The following SGCZ variants were observed in gnomAD, a reference collection of about 807,000 sequenced individuals.
The protein encoded by SGCZ is sarcoglycan zeta.
SGCZ carries 40 observed loss-of-function variants against 41.3 expected under a neutral mutation model. The ratio of observed to expected loss-of-function variants is 0.97; its 90% confidence interval spans 0.75 to 1.26. The LOEUF (loss-of-function observed/expected upper bound fraction) is 1.26, where lower values mean the gene tolerates loss of function less well. SGCZ is among the 50% of genes most tolerant of loss of function. The pLI is 0.00. For synonymous variants in SGCZ, 206 were observed against 137.5 expected, an observed-to-expected ratio of 1.50 and a Z score of -3.49; for missense variants, 552 against 369.8, an observed-to-expected ratio of 1.49 and a Z score of -4.04.
In SGCZ at chr8:15,133,147, T is replaced by A. The variant is rs1009542523; in HGVS notation, c.39+104438A>T. Among the ~76,000 whole-genome samples the A allele has an allele frequency of 4.0e-5, 6 of 151,418 alleles. No individual in the cohort carries two copies. In the East Asian group the frequency reaches 1.2e-3, roughly 29 times the overall value. On this transcript the variant is annotated intron_variant, in intron 1 of 7. Coordinates refer to ENST00000382080, the MANE Select transcript of SGCZ (RefSeq NM_139167.4). ...GACAGAGTGATACCCTGTCTCAAAA[T>A]ATATAAATAAATAAATAAATAAATA...
chr8:14,889,380 T>A (rs940525444), intron 1 of SGCZ, among the ~76,000 whole-genome samples: 4 of 152,126 alleles, frequency 2.6e-5, no homozygotes, highest in South Asian at 2.1e-4. Context: ...AGTAATATAC[T>A]CTGAACCTTA....
At chr8:15,185,866 T>C (rs1018921447) in intron 1 of SGCZ, among the ~76,000 whole-genome samples, 3 of 152,146 alleles carry the variant, frequency 2.0e-5, no homozygotes, top group African/African-American at 7.2e-5. Flanking sequence ...AAACACACTG[T>C]ATTTTTTAGC....
At position 15,191,732 on chromosome 8, in the gene SGCZ, G is replaced by A. The variant is rs1800547931; in HGVS notation, c.39+45853C>T. Reference sequence around the variant, plus strand: ...TAAAGCATGTACAAATAATATGCTAGGAATAGAAGCAGTTGAAAAAATACT... The same window carrying A: ...TAAAGCATGTACAAATAATATGCTAAGAATAGAAGCAGTTGAAAAAATACT... On this transcript the variant is annotated intron_variant, in intron 1 of 7. Coordinates refer to ENST00000382080, the MANE Select transcript of SGCZ (RefSeq NM_139167.4). 2.0e-5 allele frequency among the ~76,000 whole-genome samples: 3 copies of A among 151,894 alleles called. No homozygotes were observed. The South Asian group carries it at 6.2e-4, about 32-fold the overall frequency.
chr8:14,427,920 C>G (rs1209152998), intron 2 of SGCZ, among the ~76,000 whole-genome samples: 1 of 151,978 alleles, frequency 6.6e-6, no homozygotes, highest in South Asian at 2.1e-4. Context: ...ATTTACATAG[C>G]ACTTACATTC....
At chr8:14,815,386 T>C (rs1801872544) in intron 1 of SGCZ, among the ~76,000 whole-genome samples, 1 of 151,980 alleles carries the variant, frequency 6.6e-6, no homozygotes, top group East Asian at 1.9e-4. Flanking sequence ...TGTATGATTT[T>C]TTTTTTTTGC....
intron 1 of SGCZ, among the ~76,000 whole-genome samples, chr8:15,182,703 G>A (rs753629221): frequency 1.2e-4 from 19 of 152,036 alleles, no homozygotes; most frequent in Non-Finnish European, 2.2e-4. Flanking sequence ...ATATACCACC[G>A]TAGACTTTAT....
intron 1 of SGCZ, among the ~76,000 whole-genome samples, chr8:15,221,664 C>T (rs796854385): frequency 7.9e-5 from 12 of 152,186 alleles, no homozygotes; most frequent in African/African-American, 2.9e-4. Context: ...GGAAGAATCC[C>T]GAGATGCTGA....
Position 14,290,417 on chromosome 8 carries a change from A to C in SGCZ, c.336+33686T>G, listed in dbSNP as rs570024833. On this transcript the variant is annotated intron_variant, in intron 3 of 7. Transcript: ENST00000382080. ...AAGAGAAAACCTACAGAATAGGAGA[A>C]TATATTTGACAACTGCACATCTTAT... 2.8e-4 allele frequency among the ~76,000 whole-genome samples: 42 copies of C among 152,250 alleles called. No homozygotes were observed. The South Asian group carries it at 5.2e-3, about 19-fold the overall frequency.
chr8:14,157,873 A>G (rs1803924159), intron 5 of SGCZ, among the ~76,000 whole-genome samples: 1 of 152,190 alleles, frequency 6.6e-6, no homozygotes, highest in African/African-American at 2.4e-5. Flanking sequence ...TTTCCTATAG[A>G]TCATGATGTT....
chr8:14,514,834 C>CAT, intron 2 of SGCZ, among the ~76,000 whole-genome samples: 1 of 147,206 alleles, frequency 6.8e-6, no homozygotes, highest in South Asian at 2.1e-4. Flanking sequence ...CGCACACACA[C>CAT]ACACACACAC....
intron 1 of SGCZ, among the ~76,000 whole-genome samples, chr8:14,880,217 G>A (rs950125189): frequency 1.3e-5 from 2 of 152,080 alleles, no homozygotes; most frequent in East Asian, 1.9e-4. Context: ...CATCATCACT[G>A]GCCATCAGAG....
rs929677946 is a variant in SGCZ at position 14,916,358 on chromosome 8, A to T, written c.39+321227T>A. On this transcript the variant is annotated intron_variant, in intron 1 of 7. Coordinates refer to ENST00000382080, the MANE Select transcript of SGCZ (RefSeq NM_139167.4). ...ACTCAGGAAAGCCCGAAGTTTCAGCACCTCAAATACAAAGAAATATTTACC... is the reference window on the plus strand; with the variant it reads ...ACTCAGGAAAGCCCGAAGTTTCAGCTCCTCAAATACAAAGAAATATTTACC... 3.3e-5 allele frequency among the ~76,000 whole-genome samples: 5 copies of T among 152,194 alleles called. No individual in the cohort carries two copies. In the South Asian group the frequency reaches 1.0e-3, roughly 31 times the overall value.
At chr8:14,849,369 T>C (rs1452916548) in intron 1 of SGCZ, among the ~76,000 whole-genome samples, 2 of 152,010 alleles carry the variant, frequency 1.3e-5, no homozygotes, top group African/African-American at 2.4e-5. Context: ...TCAATAAAAA[T>C]GATTTCACAC....
At chr8:14,484,362 C>T (rs977097191) in intron 2 of SGCZ, among the ~76,000 whole-genome samples, 9 of 152,060 alleles carry the variant, frequency 5.9e-5, no homozygotes, top group Non-Finnish European at 1.0e-4. Context: ...GAAATAGTGA[C>T]CACAGCAAGT....
intron 1 of SGCZ, among the ~76,000 whole-genome samples, chr8:15,096,829 G>A (rs998140571): frequency 2.0e-5 from 3 of 151,936 alleles, no homozygotes; most frequent in Non-Finnish European, 2.9e-5. Context: ...GGGACTACAG[G>A]CACATACCAC....
intron 1 of SGCZ, among the ~76,000 whole-genome samples, chr8:15,074,265 T>C (rs561116545): frequency 1.3e-5 from 2 of 152,284 alleles, no homozygotes; most frequent in Non-Finnish European, 2.9e-5. Context: ...TAGTCCAAAA[T>C]CTTCTCAGTC....
At chr8:14,221,946 G>A (rs376695430) in intron 4 of SGCZ, among the ~76,000 whole-genome samples, 59 of 151,242 alleles carry the variant, frequency 3.9e-4, no homozygotes, top group African/African-American at 1.4e-3. Flanking sequence ...GGGTGACACA[G>A]TGAGACTCTG....
chr8:14,927,513 T>C (rs953365682), intron 1 of SGCZ, among the ~76,000 whole-genome samples: 1 of 150,536 alleles, frequency 6.6e-6, no homozygotes, highest in African/African-American at 2.5e-5. Flanking sequence ...GGTAGAGAAA[T>C]AAGAAGAAGA....
intron 3 of SGCZ, among the ~76,000 whole-genome samples, chr8:14,273,498 C>G (rs560656699): frequency 6.6e-6 from 1 of 152,100 alleles, no homozygotes; most frequent in East Asian, 1.9e-4. Flanking sequence ...AGTGCTCATC[C>G]GATCTTCTGA....
Sources: gnomAD v4.1 joint callset for allele counts (sites outside exome capture counted in the v4.1 genomes callset) on GRCh38, gnomAD v4.1.1 for gene constraint, MANE v1.5 for transcripts, NCBI Gene and HGNC (gene_info 2026-07-23, HGNC 2026-07-21) for gene names.